PKD1L3: variants seen among roughly 807,000 people sequenced by gnomAD.
The protein encoded by PKD1L3 is polycystin 1 like 3, transient receptor potential channel interacting.
A neutral mutation model predicts 184.1 loss-of-function variants in PKD1L3; 239 were observed. The ratio of observed to expected loss-of-function variants is 1.30; its 90% CI spans 1.17 to 1.45. The LOEUF is 1.45. PKD1L3 is among the 40% of genes most tolerant of loss of function. PKD1L3 has a pLI of 0.00. For missense variants in PKD1L3, 2,660 were observed against 2,067.2 expected (o/e 1.29, Z -5.56); for synonymous variants, 996 against 778.8 (o/e 1.28, Z -4.64).
chr16:71,931,463 CTTTTTTTTTTTT>C (rs11405919), intron 28 of PKD1L3, among the ~76,000 whole-genome samples: 5 of 115,920 alleles, frequency 4.3e-5, no homozygotes, highest in Non-Finnish European at 6.9e-5. Flanking sequence ...TTCTCCCCCA[CTTTTTTTTTTTT>C]TTTTTTTTTT....
At chr16:71,952,095 G>A (rs1356222427) in intron 18 of PKD1L3, among the ~76,000 whole-genome samples, 2 of 151,658 alleles carry the variant, frequency 1.3e-5, no homozygotes, top group African/African-American at 4.8e-5. Flanking sequence ...TCAGGGCACA[G>A]GAATTGGGAA....
chr16:71,983,977 T>A, intron 6 of PKD1L3, 59 bp downstream of exon 6: 1 of 1,538,182 alleles, frequency 6.5e-7, no homozygotes, highest in Non-Finnish European at 8.8e-7. Context: ...ATTCTCTTTT[T>A]CTGTTTTCCG....
At chr16:71,954,587 T>C (rs1007358502) in intron 16 of PKD1L3, among the ~76,000 whole-genome samples, 1 of 152,236 alleles carries the variant, frequency 6.6e-6, no homozygotes, top group Non-Finnish European at 1.5e-5. Flanking sequence ...GTTTTAGCTT[T>C]ATAAGAGTTT....
At chr16:71,984,756 G>C (rs894904798) in intron 5 of PKD1L3, among the ~76,000 whole-genome samples, 1 of 152,182 alleles carries the variant, frequency 6.6e-6, no homozygotes, top group Non-Finnish European at 1.5e-5. Flanking sequence ...CTACTCGGGA[G>C]GCTGAGGCAG....
chr16:71,970,672 G>A (rs367685149), intron 12 of PKD1L3, among the ~76,000 whole-genome samples: 1 of 152,124 alleles, frequency 6.6e-6, no homozygotes, highest in East Asian at 1.9e-4. Context: ...GCCAGGCTTG[G>A]AGGCGCATGC....
chr16:71,972,468 G>A (rs2039752534), intron 12 of PKD1L3, among the ~76,000 whole-genome samples: 1 of 152,032 alleles, frequency 6.6e-6, no homozygotes, highest in Non-Finnish European at 1.5e-5. Context: ...AGGATTGCTT[G>A]AGCTCAGAAG....
Position 71,980,035 on chromosome 16 carries a change from A to G in PKD1L3, c.1243T>C (p.Ser415Pro). The G allele has an allele frequency of 6.4e-7, 1 of 1,552,118 alleles. No homozygotes were observed. Among genetic ancestry groups the G allele is most frequent in the Non-Finnish European group, 8.7e-7 (1 of 1,147,104 alleles). Residue 415 changes from serine (S) to proline (P), a missense_variant, in exon 8 of 30, where the codon TCT (serine) becomes CCT (proline). Ser to Pro is a moderately conservative substitution (Grantham distance 74, BLOSUM62 -1). Transcript: ENST00000620267. Reference protein sequence around the residue: ...QSPESSVTLTSANATLLLSRQ... With the variant: ...QSPESSVTLTPANATLLLSRQ... ...CTCAGCAGCAGAGTAGCATTGGCAG[A>G]GGTCAAAGTCACTGAAGACTCGGGA...
intron 16 of PKD1L3, among the ~76,000 whole-genome samples, chr16:71,961,077 T>C (rs894981594): frequency 1.3e-4 from 20 of 152,248 alleles, no homozygotes; most frequent in East Asian, 9.7e-4. Context: ...ATTTTTTTTT[T>C]CCCACTTCTT....
chr16:71,962,310 G>T (rs377603875), intron 16 of PKD1L3, among the ~76,000 whole-genome samples: 1 of 152,104 alleles, frequency 6.6e-6, no homozygotes, highest in Admixed American at 6.6e-5. Context: ...AAAGCTGAAG[G>T]TAAGAAGGAG....
Position 71,984,185 on chromosome 16 carries a change from G to A in PKD1L3, c.835-18C>T, listed in dbSNP as rs1213721392. ...TCTATGACCTATTGGGAACAAAGAA[G>A]TTGTCAAAATTACTCATACAAAATT... On this transcript the variant is annotated intron_variant, in intron 5 of 29. Coordinates refer to ENST00000620267, the MANE Select transcript of PKD1L3 (RefSeq NM_181536.2). The A allele has an allele frequency of 2.6e-6, 4 of 1,549,854 alleles. No homozygotes were observed. In the African/African-American group the frequency reaches 5.5e-5, roughly 21 times the overall value.
Position 71,967,298 on chromosome 16 carries a change from A to G in PKD1L3, c.2304T>C (p.Tyr768=). 5 of 1,550,964 alleles carry G rather than the reference A, an allele frequency of 3.2e-6. No individual in the cohort carries two copies. Among genetic ancestry groups the G allele is most frequent in the Non-Finnish European group, 4.4e-6 (5 of 1,146,646 alleles). The part of the protein sequence containing the change: ...ATTAKVVITL[Y]GSEGRSEPHH... ...GGGGCTCACTCCGTCCCTCTGATCCATAGAGGGTGATGACAACCTACAATG... is the reference window on the plus strand; with the variant it reads ...GGGGCTCACTCCGTCCCTCTGATCCGTAGAGGGTGATGACAACCTACAATG... Residue 768 remains tyrosine, a synonymous_variant, in exon 15 of 30, where the codon TAT becomes TAC. Transcript: ENST00000620267.
chr16:71,965,113 G>C (rs573789656), intron 15 of PKD1L3, among the ~76,000 whole-genome samples: 14 of 152,236 alleles, frequency 9.2e-5, no homozygotes, highest in Admixed American at 7.2e-4. Flanking sequence ...CCCCCAAAGT[G>C]CTGAGATTAG....
rs1311595055 is a variant in PKD1L3, at chr16:71,963,297, G to A, written c.2520C>T (p.Phe840=). The change falls in exon 16 of 30, where the codon TTC becomes TTT. Residue 840 remains phenylalanine, a synonymous_variant. Transcript: ENST00000620267. ...CDMAVKRKWH[F]LCNCWLAVDL... ...CCACAGCCAGCCAGCAATTGCACAG[G>A]AAATGCCACTTCCTCTTAACTGCCA... 2.6e-6 allele frequency: 4 copies of A among 1,551,408 alleles called. No homozygotes were observed. The Admixed American group carries it at 5.9e-5, about 23-fold the overall frequency.
intron 28 of PKD1L3, chr16:71,930,902 C>T (rs9940234): frequency 0.25 from 37,253 of 152,044 alleles, 4,765 homozygotes; most frequent in Non-Finnish European, 0.27. Flanking sequence ...ACAGTCAATG[C>T]CACCCTGATG....
At position 71,934,571 on chromosome 16, in the gene PKD1L3, A is replaced by G. The variant is rs142490641; in HGVS notation, c.4614-446T>C. 3.6e-3 allele frequency among the ~76,000 whole-genome samples: 553 copies of G among 152,246 alleles called. 9 individuals are homozygous for G. The highest frequency in any genetic ancestry group is 0.026 in the Admixed American group (393 of 15,290). ...GTACAGGATTGCTGTAATAGGTGCA[A>G]TCAAGCTTAGAACAAAATGATGGGT... is the stretch of plus-strand genomic sequence containing the variant. On this transcript the variant is annotated intron_variant, in intron 26 of 29. Transcript: ENST00000620267.
At chr16:71,950,418 C>T in intron 19 of PKD1L3, 108 bp from the exon 20 acceptor site, 2 of 1,004,268 alleles carry the variant, frequency 2.0e-6, no homozygotes, top group Non-Finnish European at 2.9e-6. Flanking sequence ...TATTTTCCCA[C>T]TACTAGCAGA....
At chr16:71,945,432 G>T (rs994116993) in intron 22 of PKD1L3, among the ~76,000 whole-genome samples, 1 of 144,626 alleles carries the variant, frequency 6.9e-6, no homozygotes, top group African/African-American at 2.6e-5. Flanking sequence ...ATTTATATAT[G>T]TATTGGGAGG....
In PKD1L3 at chr16:71,970,118, T is replaced by A; in HGVS notation, c.1954-13A>T. ...TCTGTGGCCCAACCTGGAATTAGAA[T>A]CAAGACGTTGATTCTAGTCAGACAG... On this transcript the variant is annotated splice_polypyrimidine_tract_variant and intron_variant, in intron 12 of 29. Transcript: ENST00000620267. 6.5e-7 allele frequency: 1 copy of A among 1,546,298 alleles called. No homozygotes were observed. The highest frequency in any genetic ancestry group is 8.8e-7 in the Non-Finnish European group (1 of 1,142,316).
At chr16:71,948,803 TAAAAAAAAA>T (rs57129483) in intron 21 of PKD1L3, among the ~76,000 whole-genome samples, 1 of 81,206 alleles carries the variant, frequency 1.2e-5, no homozygotes, top group African/African-American at 4.7e-5. Flanking sequence ...TTACATATAG[TAAAAAAAAA>T]AAAAAAAAAA....
Sources: gnomAD v4.1 joint callset for allele counts (sites outside exome capture counted in the v4.1 genomes callset) on GRCh38, gnomAD v4.1.1 for gene constraint, MANE v1.5 for transcripts, NCBI Gene and HGNC (gene_info 2026-07-23, HGNC 2026-07-21) for gene names.